SGCZ: variants seen among roughly 807,000 people sequenced by gnomAD.
SGCZ encodes sarcoglycan zeta.
Under a neutral mutation model 41.3 loss-of-function variants are expected in SGCZ, and 40 were observed. The ratio of observed to expected loss-of-function variants is 0.97; its 90% CI spans 0.75 to 1.26. SGCZ has a LOEUF of 1.26. Ranked by LOEUF, SGCZ falls within the 50% of genes most tolerant of loss-of-function variation. The pLI, the probability that SGCZ is intolerant of heterozygous loss-of-function variation, is 0.00. For synonymous variants in SGCZ, 206 were observed against 137.5 expected (o/e 1.50, Z -3.49); for missense variants, 552 against 369.8 (o/e 1.49, Z -4.04).
At chr8:14,924,613 T>C (rs966805778) in intron 1 of SGCZ, among the ~76,000 whole-genome samples, 1 of 152,104 alleles carries the variant, frequency 6.6e-6, no homozygotes, top group African/African-American at 2.4e-5. Flanking sequence ...ATGGAAAAAC[T>C]AGTGTTCATG....
chr8:15,133,858 A>G (rs555808300), intron 1 of SGCZ, among the ~76,000 whole-genome samples: 9 of 152,274 alleles, frequency 5.9e-5, no homozygotes, highest in Admixed American at 2.0e-4. Context: ...AAGTGTTAAA[A>G]CCACTTAACA....
At chr8:14,795,706 G>C (rs964273609) in intron 1 of SGCZ, among the ~76,000 whole-genome samples, 5 of 152,108 alleles carry the variant, frequency 3.3e-5, no homozygotes, top group African/African-American at 1.2e-4. Flanking sequence ...AGGGGTACAA[G>C]TGCATATTAA....
intron 3 of SGCZ, among the ~76,000 whole-genome samples, chr8:14,256,501 C>T (rs1448221895): frequency 1.3e-5 from 2 of 148,836 alleles, no homozygotes; most frequent in Admixed American, 1.3e-4. Context: ...TTAAATCCCT[C>T]ATATACATAT....
At chr8:14,283,076 C>T (rs1800504637) in intron 3 of SGCZ, among the ~76,000 whole-genome samples, 2 of 151,804 alleles carry the variant, frequency 1.3e-5, no homozygotes, top group African/African-American at 4.8e-5. Flanking sequence ...CTCTCGATCT[C>T]CTGACCTCGT....
At chr8:14,238,569 C>A (rs975070233) in intron 3 of SGCZ, among the ~76,000 whole-genome samples, 10 of 152,186 alleles carry the variant, frequency 6.6e-5, no homozygotes, top group African/African-American at 1.9e-4. Flanking sequence ...GACAATAACA[C>A]TGCCTTAACA....
At chr8:14,901,762 G>A (rs912107118) in intron 1 of SGCZ, among the ~76,000 whole-genome samples, 12 of 152,054 alleles carry the variant, frequency 7.9e-5, no homozygotes, top group African/African-American at 2.7e-4. Flanking sequence ...CTACAAATCA[G>A]ACTTAACAGA....
rs78874141 is a variant in SGCZ at position 14,825,746 on chromosome 8, G to A, written c.40-270820C>T. Among the ~76,000 whole-genome samples, 32 of 152,126 alleles carry A rather than the reference G, an allele frequency of 2.1e-4. No individual in the cohort carries two copies. In the East Asian group the frequency reaches 2.3e-3, roughly 11 times the overall value. On this transcript the variant is annotated intron_variant, in intron 1 of 7. Transcript: ENST00000382080. The stretch of plus-strand genomic sequence containing the variant: ...AGTGTCTGGTAACCACTGTTCTACC[G>A]TCTATTCTATGAAATCAACTTTTTA...
intron 1 of SGCZ, among the ~76,000 whole-genome samples, chr8:15,033,516 T>A (rs1215834538): frequency 2.0e-5 from 3 of 151,996 alleles, no homozygotes; most frequent in African/African-American, 7.2e-5. Flanking sequence ...CCCCCTGGAC[T>A]CAGGCTCCAG....
At chr8:14,285,568 G>C (rs1160129203) in intron 3 of SGCZ, among the ~76,000 whole-genome samples, 2 of 103,940 alleles carry the variant, frequency 1.9e-5, no homozygotes, top group African/African-American at 7.0e-5. Context: ...TATCTAAAGT[G>C]TTGATTTTTA....
At chr8:14,269,341 A>G (rs932948792) in intron 3 of SGCZ, among the ~76,000 whole-genome samples, 52 of 152,164 alleles carry the variant, frequency 3.4e-4, no homozygotes, top group African/African-American at 1.0e-3. Flanking sequence ...CAGTGCTAAT[A>G]TAAACATTCT....
intron 1 of SGCZ, among the ~76,000 whole-genome samples, chr8:15,037,393 C>T (rs1803911693): frequency 6.6e-6 from 1 of 152,154 alleles, no homozygotes; most frequent in Admixed American, 6.5e-5. Flanking sequence ...TCTGAGGCCT[C>T]CCCAGCCCTG....
intron 1 of SGCZ, among the ~76,000 whole-genome samples, chr8:14,796,535 G>A (rs1321637928): frequency 6.6e-6 from 1 of 151,706 alleles, no homozygotes; most frequent in African/African-American, 2.4e-5. Context: ...CATCTTTTCT[G>A]TATATGTAAA....
At chr8:14,676,766 TGTTA>T (rs755402212) in intron 1 of SGCZ, among the ~76,000 whole-genome samples, 41 of 152,124 alleles carry the variant, frequency 2.7e-4, no homozygotes, top group East Asian at 1.4e-3. Context: ...ATCCAACACC[TGTTA>T]GTGAAATGAA....
At chr8:14,398,736 A>T (rs1451387190) in intron 2 of SGCZ, among the ~76,000 whole-genome samples, 1 of 152,278 alleles carries the variant, frequency 6.6e-6, no homozygotes, top group Non-Finnish European at 1.5e-5. Context: ...TTGGATATGC[A>T]TTGTTAAACT....
intron 2 of SGCZ, among the ~76,000 whole-genome samples, chr8:14,549,826 G>C (rs550695449): frequency 1.7e-3 from 263 of 152,138 alleles, no homozygotes; most frequent in Non-Finnish European, 3.1e-3. Flanking sequence ...AAGTAAATAA[G>C]GAAGATTATT....
intron 1 of SGCZ, among the ~76,000 whole-genome samples, chr8:15,144,299 T>C (rs1031786145): frequency 5.9e-5 from 9 of 152,208 alleles, no homozygotes; most frequent in African/African-American, 2.2e-4. Flanking sequence ...TGTTATATGC[T>C]ACACAATTTC....
chr8:14,803,742 C>T (rs921461906), intron 1 of SGCZ, among the ~76,000 whole-genome samples: 3 of 151,334 alleles, frequency 2.0e-5, no homozygotes, highest in African/African-American at 7.3e-5. Context: ...TCAAGGAGGC[C>T]TGCCTGCCTC....
At chr8:14,180,571 T>A (rs561699364) in intron 4 of SGCZ, among the ~76,000 whole-genome samples, 2 of 152,022 alleles carry the variant, frequency 1.3e-5, no homozygotes, top group Non-Finnish European at 2.9e-5. Flanking sequence ...AAAAATGACC[T>A]GTTAAAAACC....
At chr8:14,811,045 T>G (rs77518942) in intron 1 of SGCZ, among the ~76,000 whole-genome samples, 1 of 151,972 alleles carries the variant, frequency 6.6e-6, no homozygotes, top group Non-Finnish European at 1.5e-5. Flanking sequence ...AACTGTAGTG[T>G]CCTGAAATAG....
Sources: allele counts gnomAD v4.1 joint callset (sites outside exome capture counted in the v4.1 genomes callset), GRCh38; gene constraint gnomAD v4.1.1; transcripts MANE v1.5; gene names NCBI Gene and HGNC (gene_info 2026-07-23, HGNC 2026-07-21).